Variants in PACRG observed in about 807,000 individuals in gnomAD.
PACRG encodes the protein parkin coregulated gene protein.
Under a neutral mutation model 29.7 loss-of-function variants are expected in PACRG, and 29 were observed. The observed-to-expected ratio is 0.98, with a 90% CI of 0.73 to 1.33. The LOEUF is 1.33. PACRG is among the 40% of genes most tolerant of loss of function. PACRG has a pLI of 0.00. For synonymous variants in PACRG, 116 were observed against 118.7 expected, an observed-to-expected ratio of 0.98 and a Z score of 0.15; for missense variants, 279 against 316.2, an observed-to-expected ratio of 0.88 and a Z score of 0.89.
At chr6:162,776,245 A>G (rs1189816448) in intron 1 of PACRG, among the ~76,000 whole-genome samples, 3 of 152,200 alleles carry the variant, frequency 2.0e-5, no homozygotes, top group African/African-American at 4.8e-5. Flanking sequence ...CTCCTGTAGC[A>G]TTGTCAATGG....
upstream of PACRG, chr6:162,727,305 G>A (rs1779286771): frequency 5.8e-6 from 2 of 347,742 alleles, no homozygotes; most frequent in South Asian, 3.9e-5. Flanking sequence ...GAGGGGCGGC[G>A]GCGGGGCGAA....
chr6:162,832,303 A>ATTTTTC (rs1788849483), intron 2 of PACRG, among the ~76,000 whole-genome samples: 1 of 152,020 alleles, frequency 6.6e-6, no homozygotes, highest in African/African-American at 2.4e-5. Flanking sequence ...TGGCCACATA[A>ATTTTTC]ATGTCTTCTT....
At chr6:162,894,280 C>G (rs1474566153) in intron 2 of PACRG, among the ~76,000 whole-genome samples, 1 of 152,202 alleles carries the variant, frequency 6.6e-6, no homozygotes, top group African/African-American at 2.4e-5. Flanking sequence ...GATTATACGA[C>G]TTGATTCCAG....
Position 162,824,272 on chromosome 6 carries a change from C to T in PACRG, c.291+9991C>T, listed in dbSNP as rs554812455. ...AGCAGGCTGGTGGCCTAGTCCCTCC[C>T]GCCCCCACCATCACCCTTTTATTCT... On this transcript the variant is annotated intron_variant, in intron 2 of 4. Transcript: ENST00000366888. Among the ~76,000 whole-genome samples, 66 of 152,178 alleles carry T rather than the reference C, an allele frequency of 4.3e-4. No individual in the cohort carries two copies. The South Asian group carries it at 7.0e-3, about 16-fold the overall frequency.
intron 2 of PACRG, among the ~76,000 whole-genome samples, chr6:163,026,865 G>T (rs1807180877): frequency 6.6e-6 from 1 of 152,252 alleles, no homozygotes; most frequent in African/African-American, 2.4e-5. Context: ...TAGCAAATTA[G>T]GGTGATCCAG....
In PACRG at chr6:162,956,591, G is replaced by A. The variant is rs369802100; in HGVS notation, c.292-105559G>A. Among the ~76,000 whole-genome samples, 85 of 152,260 alleles carry A rather than the reference G, an allele frequency of 5.6e-4. 1 individual carries two copies. The East Asian group carries it at 9.5e-3, about 17-fold the overall frequency. On this transcript the variant is annotated intron_variant, in intron 2 of 4. Coordinates refer to ENST00000366888, the MANE Select transcript of PACRG (RefSeq NM_001080379.2). ...GGGCCGTGCTCCCTCTGAACTCTGC[G>A]GGGCAGAATCCCTCCTCGCCTCTTC...
intron 1 of PACRG, among the ~76,000 whole-genome samples, chr6:162,804,813 T>C (rs1225277066): frequency 1.3e-5 from 2 of 152,210 alleles, no homozygotes; most frequent in African/African-American, 4.8e-5. Context: ...TACCAATATA[T>C]TGAATATTTA....
intron 2 of PACRG, among the ~76,000 whole-genome samples, chr6:162,976,814 A>C (rs1235363823): frequency 6.6e-6 from 1 of 152,296 alleles, no homozygotes; most frequent in Middle Eastern, 3.4e-3. Context: ...TAATTATGTC[A>C]CACAACAACA....
chr6:162,741,511 C>A (rs1395448446), intron 1 of PACRG, among the ~76,000 whole-genome samples: 1 of 148,012 alleles, frequency 6.8e-6, no homozygotes, highest in Non-Finnish European at 1.5e-5. Flanking sequence ...AGGAGAGCAT[C>A]TCTCTCTCTC....
rs7738065 is a variant in PACRG, at chr6:162,899,253, G to A, written c.291+84972G>A. Among the ~76,000 whole-genome samples, 1,069 of 152,260 alleles carry A rather than the reference G, an allele frequency of 7.0e-3. 13 individuals carry two copies. Among genetic ancestry groups the A allele is most frequent in the African/African-American group, 0.025 (1,021 of 41,522 alleles). On this transcript the variant is annotated intron_variant, in intron 2 of 4. Transcript: ENST00000366888. ...CAGGTGGTGTGCCAGGGGAGAAAGA[G>A]GAGGTTAGAGGGAGATGCAGTACAC...
At chr6:163,218,894 G>A (rs1466626793) in intron 4 of PACRG, among the ~76,000 whole-genome samples, 2 of 152,240 alleles carry the variant, frequency 1.3e-5, no homozygotes, top group African/African-American at 4.8e-5. Context: ...TTTGTCACAA[G>A]GTGGGGAGAT....
Position 162,830,039 on chromosome 6 carries a change from C to T in PACRG, c.291+15758C>T, listed in dbSNP as rs575075917. ...TAAACAGGAGGAAGGGCGTGGTCCA[C>T]TCTCAGAATGCTGTCATGGTTCAGA... On this transcript the variant is annotated intron_variant, in intron 2 of 4. Transcript: ENST00000366888. 3.9e-5 allele frequency among the ~76,000 whole-genome samples: 6 copies of T among 152,270 alleles called. No homozygotes were observed. In the South Asian group the frequency reaches 1.2e-3, roughly 32 times the overall value.
intron 4 of PACRG, among the ~76,000 whole-genome samples, chr6:163,291,445 AC>A (rs5881523): frequency 0.075 from 10,262 of 137,608 alleles, 394 homozygotes; most frequent in African/African-American, 0.16. Flanking sequence ...CTGCAAGATG[AC>A]CCCTCTGCCC....
intron 2 of PACRG, among the ~76,000 whole-genome samples, chr6:163,027,265 T>A (rs1807219299): frequency 6.6e-6 from 1 of 152,202 alleles, no homozygotes. Context: ...GCAGAACGTT[T>A]TTTTCCTCAA....
intron 4 of PACRG, among the ~76,000 whole-genome samples, chr6:163,134,872 G>A (rs895177381): frequency 6.6e-6 from 1 of 152,110 alleles, no homozygotes; most frequent in South Asian, 2.1e-4. Flanking sequence ...TTCCACATTT[G>A]CTTCACAAGA....
chr6:163,048,172 G>A (rs377709305), intron 2 of PACRG, among the ~76,000 whole-genome samples: 2 of 152,014 alleles, frequency 1.3e-5, no homozygotes, highest in South Asian at 2.1e-4. Flanking sequence ...ATCTTTGCAT[G>A]TACTTTTCTT....
At chr6:162,984,172 C>T (rs1327244911) in intron 2 of PACRG, among the ~76,000 whole-genome samples, 1 of 151,918 alleles carries the variant, frequency 6.6e-6, no homozygotes, top group Non-Finnish European at 1.5e-5. Flanking sequence ...TTCTTCACCA[C>T]CCCCACCATT....
intron 3 of PACRG, among the ~76,000 whole-genome samples, chr6:163,068,232 A>G (rs1585136705): frequency 1.3e-5 from 2 of 152,124 alleles, no homozygotes. Context: ...TGAAAGGTAT[A>G]TTTTTTAGTT....
intron 4 of PACRG, among the ~76,000 whole-genome samples, chr6:163,121,633 T>C (rs931918240): frequency 4.0e-5 from 6 of 151,772 alleles, no homozygotes; most frequent in African/African-American, 1.2e-4. Flanking sequence ...TTTAAATTTA[T>C]AGAGCATTCA....
Sources: gnomAD v4.1 joint callset for allele counts (sites outside exome capture counted in the v4.1 genomes callset) on GRCh38, gnomAD v4.1.1 for gene constraint, MANE v1.5 for transcripts, NCBI Gene and HGNC (gene_info 2026-07-23, HGNC 2026-07-21) for gene names.